The following USH2A variants were observed in gnomAD, a reference collection of about 807,000 sequenced individuals.
The protein encoded by USH2A is Usher syndrome 2A (autosomal recessive, mild).
USH2A carries 443 observed loss-of-function variants against 538.9 expected under a neutral mutation model. That is an observed-to-expected ratio of 0.82 (90% CI 0.76 to 0.89). The LOEUF (loss-of-function observed/expected upper bound fraction) is 0.89. Ranked by LOEUF, USH2A falls within the 40% of genes least tolerant of loss-of-function variation. The pLI, the probability that USH2A is intolerant of heterozygous loss-of-function variation, is 0.00. For missense variants in USH2A, 6,633 were observed against 6,324.8 expected, an observed-to-expected ratio of 1.05 and a Z score of -1.65; for synonymous variants, 2,413 against 2,273.5, an observed-to-expected ratio of 1.06 and a Z score of -1.75.
intron 20 of USH2A, among the ~76,000 whole-genome samples, chr1:216,180,276 T>C (rs898579396): frequency 2.0e-5 from 3 of 152,096 alleles, no homozygotes; most frequent in African/African-American, 7.2e-5. Context: ...AAGTTTAAAA[T>C]GAATGTTCAT....
In USH2A at chr1:216,282,900, T is replaced by A. The variant is rs148904029; in HGVS notation, c.1971+6380A>T. Among the ~76,000 whole-genome samples the A allele has an allele frequency of 5.0e-3, 755 of 152,366 alleles. 7 individuals carry two copies. Among genetic ancestry groups the A allele is most frequent in the African/African-American group, 0.018 (736 of 41,582 alleles). On this transcript the variant is annotated intron_variant, in intron 11 of 71. Coordinates refer to ENST00000307340, the MANE Select transcript of USH2A (RefSeq NM_206933.4). The stretch of plus-strand genomic sequence containing the variant: ...TCTTCTTTATTTCAGCAATGTTTTA[T>A]GGTTTTCAGAATATAATTTTACACT...
intron 4 of USH2A, among the ~76,000 whole-genome samples, chr1:216,358,733 T>C (rs982417853): frequency 2.6e-5 from 4 of 152,144 alleles, no homozygotes; most frequent in African/African-American, 9.7e-5. Flanking sequence ...GTCAAGAACA[T>C]AAAGGAGAAA....
chr1:216,246,537 A>C, intron 13 of USH2A, 48 bp downstream of exon 13: 1 of 1,613,456 alleles, frequency 6.2e-7, no homozygotes, highest in Non-Finnish European at 8.5e-7. Flanking sequence ...CTAAGTTAAC[A>C]AAAGGAATGT....
At chr1:216,090,027 T>A (rs1041358245) in intron 22 of USH2A, among the ~76,000 whole-genome samples, 1 of 151,880 alleles carries the variant, frequency 6.6e-6, no homozygotes, top group Non-Finnish European at 1.5e-5. Context: ...AAAAAGAAAT[T>A]ACAACTTCTA....
chr1:215,635,926 A>C (rs1656467304), intron 69 of USH2A, among the ~76,000 whole-genome samples: 1 of 140,270 alleles, frequency 7.1e-6, no homozygotes, highest in Non-Finnish European at 1.5e-5. Context: ...AGGCGAAGGC[A>C]GTGAAATTAT....
At chr1:216,289,432 C>T (rs1372990429) in intron 10 of USH2A, 22 bp from the exon 11 acceptor site, 1 of 1,613,574 alleles carries the variant, frequency 6.2e-7, no homozygotes, top group Non-Finnish European at 8.5e-7. Context: ...AAAGGTTATG[C>T]ATTATGACTT....
intron 21 of USH2A, among the ~76,000 whole-genome samples, chr1:216,142,221 G>A (rs1207965129): frequency 1.3e-5 from 2 of 152,136 alleles, no homozygotes; most frequent in African/African-American, 4.8e-5. Flanking sequence ...TCCACCTCTA[G>A]GTAATGGTAG....
At chr1:216,035,282 T>A (rs1202236924) in intron 32 of USH2A, among the ~76,000 whole-genome samples, 1 of 152,128 alleles carries the variant, frequency 6.6e-6, no homozygotes, top group East Asian at 1.9e-4. Flanking sequence ...AAATCCAATA[T>A]GACTAGTGTC....
chr1:215,739,844 A>T (rs1314352053), intron 60 of USH2A, among the ~76,000 whole-genome samples: 1 of 152,194 alleles, frequency 6.6e-6, no homozygotes, highest in Non-Finnish European at 1.5e-5. Context: ...TAAAGTTATA[A>T]GAGGAGCCTA....
intron 64 of USH2A, among the ~76,000 whole-genome samples, chr1:215,657,526 T>C (rs1004965764): frequency 3.3e-5 from 5 of 152,234 alleles, no homozygotes; most frequent in African/African-American, 1.2e-4. Context: ...TCTTTCACCA[T>C]CAAATGGATG....
intron 61 of USH2A, among the ~76,000 whole-genome samples, chr1:215,716,459 C>G (rs1230395885): frequency 1.3e-5 from 2 of 152,188 alleles, no homozygotes; most frequent in African/African-American, 2.4e-5. Flanking sequence ...AAACACAGAA[C>G]CAGCCACTAA....
At chr1:215,965,190 A>G in intron 37 of USH2A, 127 bp downstream of exon 37, 1 of 1,109,488 alleles carries the variant, frequency 9.0e-7, no homozygotes, top group Non-Finnish European at 1.3e-6. Context: ...CGTATAGGTT[A>G]TTTTCAGGAA....
chr1:216,051,312 C>T (rs1199321481), intron 30 of USH2A, among the ~76,000 whole-genome samples: 1 of 152,216 alleles, frequency 6.6e-6, no homozygotes, highest in African/African-American at 2.4e-5. Flanking sequence ...AACCAAGAAT[C>T]AACATTCTAA....
In USH2A at chr1:215,889,032, C is replaced by T. The variant is rs773159617; in HGVS notation, c.7617G>A (p.Pro2539=). The change falls in exon 41 of 72, where the codon CCG becomes CCA. Residue 2539 remains proline (P), a synonymous_variant. Transcript: ENST00000307340. ...TTCTTGACTTCACATCCAGAAGAAT[C>T]GGAGGAACTACAGGTCCAGGTTCTG... ...AEDKPGPVVP[P]ILLDVKSRMM... is the part of the protein sequence containing the mutation. The T allele has an allele frequency of 2.0e-5, 32 of 1,613,834 alleles. 1 individual carries two copies. In the Middle Eastern group the frequency reaches 3.0e-3, roughly 150 times the overall value.
intron 20 of USH2A, among the ~76,000 whole-genome samples, chr1:216,189,121 A>G (rs1378039056): frequency 6.6e-6 from 1 of 151,972 alleles, no homozygotes; most frequent in African/African-American, 2.4e-5. Context: ...GCACATCTAT[A>G]AAATACATAA....
intron 11 of USH2A, among the ~76,000 whole-genome samples, chr1:216,283,009 C>T (rs1176628402): frequency 6.6e-6 from 1 of 152,066 alleles, no homozygotes; most frequent in Non-Finnish European, 1.5e-5. Flanking sequence ...TCAGATTGTT[C>T]AGTGCAAATA....
chr1:216,027,560 T>C (rs1669000151), intron 32 of USH2A, among the ~76,000 whole-genome samples: 1 of 152,174 alleles, frequency 6.6e-6, no homozygotes, highest in African/African-American at 2.4e-5. Context: ...CATGCAACAG[T>C]AGAATCACAA....
chr1:215,836,498 A>AT (rs1491303511), intron 47 of USH2A, among the ~76,000 whole-genome samples: 222 of 17,774 alleles, frequency 0.012, 18 homozygotes, highest in Admixed American at 0.024. Flanking sequence ...TTATATATAT[A>AT]ATATATATTA....
At chr1:215,699,298 A>T (rs967728481) in intron 61 of USH2A, among the ~76,000 whole-genome samples, 1 of 151,950 alleles carries the variant, frequency 6.6e-6, no homozygotes, top group Non-Finnish European at 1.5e-5. Flanking sequence ...TCTTGGTTAT[A>T]TGGGCTCTTT....
Sources: allele counts gnomAD v4.1 joint callset (sites outside exome capture counted in the v4.1 genomes callset), GRCh38; gene constraint gnomAD v4.1.1; transcripts MANE v1.5; gene names NCBI Gene and HGNC (gene_info 2026-07-23, HGNC 2026-07-21).